The following LARGE1 variants were observed in gnomAD, a reference collection of about 807,000 sequenced individuals.
LARGE1 encodes the protein LARGE xylosyl- and glucuronyltransferase 1, also known as xylosyl- and glucuronyltransferase LARGE1.
In LARGE1, 43 loss-of-function variants were observed where a neutral mutation model predicts 87.6. The observed-to-expected ratio is 0.49, with a 90% CI of 0.38 to 0.63. The LOEUF (loss-of-function observed/expected upper bound fraction) is 0.63, where lower values mean the gene tolerates loss of function less well. Ranked by LOEUF, LARGE1 falls within the 30% of genes least tolerant of loss-of-function variation. The probability of loss-of-function intolerance (pLI) is 0.00; values close to 1 mark genes in which losing one functional copy is unlikely to be tolerated. For missense variants in LARGE1, 802 were observed against 1,000.2 expected, an observed-to-expected ratio of 0.80 and a Z score of 2.67; for synonymous variants, 434 against 394.6, an observed-to-expected ratio of 1.10 and a Z score of -1.18.
intron 9 of LARGE1, among the ~76,000 whole-genome samples, chr22:33,377,221 C>T (rs1368383821): frequency 1.3e-5 from 2 of 152,198 alleles, no homozygotes; most frequent in African/African-American, 4.8e-5. Context: ...AGAATGATTA[C>T]AAAAGACTCC....
intron 4 of LARGE1, among the ~76,000 whole-genome samples, chr22:33,618,696 T>C (rs1167843405): frequency 6.6e-6 from 1 of 152,174 alleles, no homozygotes; most frequent in African/African-American, 2.4e-5. Context: ...GGGGTGAGAA[T>C]TGATAGAGGC....
At chr22:33,757,162 T>TG (rs762461227) in intron 2 of LARGE1, among the ~76,000 whole-genome samples, 1 of 152,188 alleles carries the variant, frequency 6.6e-6, no homozygotes, top group Non-Finnish European at 1.5e-5. Context: ...TCCCAGATGG[T>TG]GAACTCCATG....
At chr22:33,665,184 G>A (rs1465974016) in intron 2 of LARGE1, among the ~76,000 whole-genome samples, 1 of 152,124 alleles carries the variant, frequency 6.6e-6, no homozygotes, top group African/African-American at 2.4e-5. Flanking sequence ...CCCATCCTGA[G>A]GCCACAGTGT....
At chr22:33,069,091 A>ATACC in the LARGE1 span, among the ~76,000 whole-genome samples, 1 of 152,154 alleles carries the variant, frequency 6.6e-6, no homozygotes, top group Non-Finnish European at 1.5e-5. Context: ...TTCATCCCTT[A>ATACC]TACCTCATCG....
chr22:33,382,124 C>A (rs1409635192), intron 8 of LARGE1, 80 bp from the exon 9 acceptor site: 1 of 1,582,968 alleles, frequency 6.3e-7, no homozygotes. Context: ...GCACTGCATC[C>A]CCTGTGATAG....
intron 3 of LARGE1, among the ~76,000 whole-genome samples, chr22:33,637,936 G>A (rs1050624209): frequency 6.6e-6 from 1 of 152,106 alleles, no homozygotes; most frequent in Non-Finnish European, 1.5e-5. Context: ...TACAGGGAGG[G>A]TACCTAAGGT....
chr22:33,543,414 A>G (rs1179537212), intron 6 of LARGE1, among the ~76,000 whole-genome samples: 1 of 152,222 alleles, frequency 6.6e-6, no homozygotes, highest in Non-Finnish European at 1.5e-5. Context: ...TTAATCCTCT[A>G]AACGGCTACA....
intron 6 of LARGE1, among the ~76,000 whole-genome samples, chr22:33,476,947 G>T (rs980134092): frequency 6.6e-6 from 1 of 152,144 alleles, no homozygotes; most frequent in Admixed American, 6.6e-5. Flanking sequence ...TCTTCGGCTC[G>T]GTGACAATTG....
chr22:33,420,831 C>T (rs1417405821), intron 7 of LARGE1, among the ~76,000 whole-genome samples: 4 of 152,156 alleles, frequency 2.6e-5, no homozygotes, highest in Admixed American at 6.6e-5. Flanking sequence ...GGGCAAAAGA[C>T]GGAGTTACTG....
intron 2 of LARGE1, among the ~76,000 whole-genome samples, chr22:33,656,101 C>G (rs971289879): frequency 2.0e-5 from 3 of 151,572 alleles, no homozygotes; most frequent in African/African-American, 7.3e-5. Context: ...ACAAATATTA[C>G]TTCATATCAG....
rs2064715817 is a variant in LARGE1 at position 33,882,214 on chromosome 22, T to C, written c.-83+37781A>G. On this transcript the variant is annotated intron_variant, in intron 1 of 14. Coordinates refer to ENST00000397394, the MANE Select transcript of LARGE1 (RefSeq NM_133642.5). ...CCTGGCTAATTTTTTGTATTTTTAG[T>C]AGAGACGGGGTTTCATCGTGTTAGC... is the stretch of plus-strand genomic sequence containing the variant. 1.3e-5 allele frequency among the ~76,000 whole-genome samples: 2 copies of C among 152,098 alleles called. 1 individual carries two copies. Among genetic ancestry groups the C allele is most frequent in the South Asian group, 4.1e-4 (2 of 4,832 alleles).
At chr22:33,847,175 C>A (rs2063459537) in intron 1 of LARGE1, among the ~76,000 whole-genome samples, 1 of 152,154 alleles carries the variant, frequency 6.6e-6, no homozygotes, top group East Asian at 1.9e-4. Context: ...CCAGCCGACG[C>A]TTAGGAAAAT....
intron 6 of LARGE1, among the ~76,000 whole-genome samples, chr22:33,517,883 T>C (rs1175956115): frequency 6.6e-6 from 1 of 152,168 alleles, no homozygotes; most frequent in Non-Finnish European, 1.5e-5. Flanking sequence ...AAGAGCAGCT[T>C]CATCTGGAAA....
At chr22:33,337,882 G>T in intron 9 of LARGE1, 81 bp from the exon 10 acceptor site, 1 of 1,433,208 alleles carries the variant, frequency 7.0e-7, no homozygotes, top group Non-Finnish European at 9.8e-7. Context: ...CCATGGCTCA[G>T]CACTGGGCTA....
At chr22:33,704,946 C>G (rs1387787734) in intron 2 of LARGE1, 1 of 152,244 alleles carries the variant, frequency 6.6e-6, no homozygotes. Context: ...AGCAGAGGAC[C>G]CACACTAAGG....
intron 2 of LARGE1, among the ~76,000 whole-genome samples, chr22:33,652,734 A>G (rs2080857115): frequency 6.6e-6 from 1 of 152,208 alleles, no homozygotes; most frequent in Non-Finnish European, 1.5e-5. Flanking sequence ...GAATGTGATG[A>G]ATTACACCCT....
At chr22:33,913,205 T>C (rs1439712617) in intron 1 of LARGE1, among the ~76,000 whole-genome samples, 4 of 152,206 alleles carry the variant, frequency 2.6e-5, no homozygotes, top group Non-Finnish European at 5.9e-5. Context: ...ATGAATTCCA[T>C]GTCTCTGCAA....
chr22:33,342,656 C>T (rs532545996), intron 9 of LARGE1, among the ~76,000 whole-genome samples: 1 of 152,258 alleles, frequency 6.6e-6, no homozygotes, highest in East Asian at 1.9e-4. Context: ...AGGGTTGGGA[C>T]TAGGACCCAG....
chr22:33,814,035 T>A (rs1257840185), intron 1 of LARGE1, among the ~76,000 whole-genome samples: 1 of 152,134 alleles, frequency 6.6e-6, no homozygotes, highest in Non-Finnish European at 1.5e-5. Context: ...AACTTACGTA[T>A]CTCGATGGGG....
Sources: allele counts gnomAD v4.1 joint callset (sites outside exome capture counted in the v4.1 genomes callset), GRCh38; gene constraint gnomAD v4.1.1; transcripts MANE v1.5; gene names NCBI Gene and HGNC (gene_info 2026-07-23, HGNC 2026-07-21).